The following HAUS5 variants were observed in gnomAD, a reference collection of about 807,000 sequenced individuals.
The protein encoded by HAUS5 is HAUS augmin like complex subunit 5.
Under a neutral mutation model 94.1 loss-of-function variants are expected in HAUS5, and 67 were observed. The observed-to-expected ratio is 0.71, with a 90% CI of 0.58 to 0.87. HAUS5 has a LOEUF of 0.87. Among genes scored for constraint, HAUS5 ranks in the 40% least tolerant of loss-of-function variants. The pLI is 0.00. For missense variants in HAUS5, 739 were observed against 825.6 expected (o/e 0.90, Z 1.29); for synonymous variants, 339 against 355.4 (o/e 0.95, Z 0.52).
chr19:35,616,021 A>G (rs997329524), intron 6 of HAUS5, among the ~76,000 whole-genome samples: 12 of 152,160 alleles, frequency 7.9e-5, no homozygotes, highest in Non-Finnish European at 2.9e-5. Context: ...GCCACTTAAA[A>G]TTGGGTGACC....
chr19:35,618,707 G>A lies in HAUS5; in HGVS notation c.1016+8G>A. ...CCTGGGATCCAGTGAGAGGTGGGGG[G>A]CTCTCCGAGAAGAGGTCTCTAGGCC... On this transcript the variant is annotated splice_region_variant and intron_variant, in intron 12 of 18. Coordinates refer to ENST00000203166, the MANE Select transcript of HAUS5 (RefSeq NM_015302.2). The A allele has an allele frequency of 2.5e-6, 4 of 1,575,760 alleles. No individual in the cohort carries two copies. The highest frequency in any genetic ancestry group is 3.5e-6 in the Non-Finnish European group (4 of 1,158,392).
chr19:35,617,367 C>T lies in HAUS5; in HGVS notation c.636C>T (p.Leu212=). 4 of 1,609,258 alleles carry T rather than the reference C, an allele frequency of 2.5e-6. No homozygotes were observed. Among genetic ancestry groups the T allele is most frequent in the Non-Finnish European group, 3.4e-6 (4 of 1,175,576 alleles). ...TTCCCCAGGCCAAGAGGGGCAGCCT[C>T]CCGTGAGTGTCCCTAGCCCCCAGAG... ...LLLPQAKRGS[L]PTPHDDHFGT... is the part of the protein sequence containing the mutation. Residue 212 remains leucine, a splice_region_variant and synonymous_variant, in exon 8 of 19, where the codon CTC becomes CTT. Coordinates refer to ENST00000203166, the MANE Select transcript of HAUS5 (RefSeq NM_015302.2).
chr19:35,613,872 G>A lies in HAUS5; in HGVS notation c.166G>A (p.Val56Ile). 1 of 1,614,140 alleles carries A rather than the reference G, an allele frequency of 6.2e-7. No homozygotes were observed. Among genetic ancestry groups the A allele is most frequent in the South Asian group, 1.1e-5 (1 of 91,088 alleles). ...ILQHVHSQRT[V>I]KKIRGNLLWY... ...CTTTCTGCCTCTGCACTGTAGGACTGTCAAGAAGATCCGGGGAAACCTACT... is the reference window on the plus strand; with the variant it reads ...CTTTCTGCCTCTGCACTGTAGGACTATCAAGAAGATCCGGGGAAACCTACT... The change falls in exon 3 of 19, where the codon GTC becomes ATC. Residue 56 changes from valine to isoleucine, a missense_variant. Coordinates refer to ENST00000203166, the MANE Select transcript of HAUS5 (RefSeq NM_015302.2).
rs761191044 is a variant in HAUS5, at chr19:35,618,154, C to T, written c.780C>T (p.Ser260=). 1.2e-6 allele frequency: 2 copies of T among 1,609,982 alleles called. No individual in the cohort carries two copies. The highest frequency in any genetic ancestry group is 1.7e-5 in the Admixed American group (1 of 59,658). Residue 260 remains serine (S), a synonymous_variant, in exon 10 of 19, where the codon TCC becomes TCT. Coordinates refer to ENST00000203166, the MANE Select transcript of HAUS5 (RefSeq NM_015302.2). ...CAGAGCGGGAGGCAGAGATTCGGTC[C>T]CTGTGCAGTGGGGATGGGCTTGGCG... ...LAAEREAEIR[S]LCSGDGLGDT... is the part of the protein sequence containing the mutation.
intron 8 of HAUS5, 76 bp downstream of exon 8, chr19:35,617,445 C>A: frequency 1.1e-6 from 1 of 946,242 alleles, no homozygotes; most frequent in Non-Finnish European, 1.7e-6. Context: ...ATTAATTCCT[C>A]AGACACTGAG....
In HAUS5 at chr19:35,618,414, G is replaced by A. The variant is rs779731836; in HGVS notation, c.834G>A (p.Pro278=). Residue 278 remains proline (P), a synonymous_variant, in exon 11 of 19, where the codon CCG becomes CCA. Transcript: ENST00000203166. ...GDTEISRPQA[P]DQSDSSQTLP... is the part of the protein sequence containing the mutation. ...TCCCCCACCCCAGACCCCAGGCCCC[G>A]GACCAGTCAGACTCCAGCCAGACCC... 3.5e-5 allele frequency: 25 copies of A among 712,408 alleles called. No homozygotes were observed. Among genetic ancestry groups the A allele is most frequent in the East Asian group, 4.7e-5 (1 of 21,486 alleles). The allele number at this position is 712,408 out of a possible 1,614,324, so 44.1% of individuals were successfully genotyped here.
chr19:35,614,095 G>C (rs377683291), intron 4 of HAUS5, 36 bp downstream of exon 4: 4 of 1,596,666 alleles, frequency 2.5e-6, no homozygotes, highest in Non-Finnish European at 3.4e-6. Flanking sequence ...TCTTTCATCC[G>C]AAAAATGACT....
rs1967288780 is a variant in HAUS5, at chr19:35,625,332, C to T, written c.*2339C>T. ...TGAATTGGAAATATCAGAATAAAGT[C>T]ATGATTTTTCTCTTTCTAAAAAATA... On this transcript the variant is annotated 3_prime_UTR_variant, in exon 19 of 19. Coordinates refer to ENST00000203166, the MANE Select transcript of HAUS5 (RefSeq NM_015302.2). 1 of 152,116 alleles carries T rather than the reference C, an allele frequency of 6.6e-6. No individual in the cohort carries two copies. Among genetic ancestry groups the T allele is most frequent in the Admixed American group, 6.6e-5 (1 of 15,248 alleles). The allele number at this position is 152,116 out of a possible 1,614,324, so 9.4% of individuals were successfully genotyped here.
chr19:35,621,530 G>A (rs1399070425), intron 17 of HAUS5, among the ~76,000 whole-genome samples: 1 of 152,034 alleles, frequency 6.6e-6, no homozygotes, highest in Non-Finnish European at 1.5e-5. Context: ...TTATAATCAT[G>A]GGCATCTTGA....
At position 35,620,036 on chromosome 19, in the gene HAUS5, C is replaced by G. The variant is rs1967183107; in HGVS notation, c.1431C>G (p.Leu477=). 1.2e-6 allele frequency: 2 copies of G among 1,613,726 alleles called. No individual in the cohort carries two copies. The highest frequency in any genetic ancestry group is 2.7e-5 in the African/African-American group (2 of 74,866). The stretch of plus-strand genomic sequence containing the variant: ...GGTTGAAGCCCCTGCCCACGGTCCT[C>G]CCATCCATCCACCAGCTGCACCCCG... ...PGELKPLPTV[L]PSIHQLHPAS... Residue 477 remains leucine, a synonymous_variant, in exon 16 of 19, where the codon CTC becomes CTG. Coordinates refer to ENST00000203166, the MANE Select transcript of HAUS5 (RefSeq NM_015302.2).
intron 6 of HAUS5, among the ~76,000 whole-genome samples, chr19:35,616,372 C>A (rs950930153): frequency 2.9e-4 from 44 of 152,048 alleles, no homozygotes; most frequent in Middle Eastern, 6.8e-3. Context: ...TTTCTATGTG[C>A]CTCAGATTCT....
intron 8 of HAUS5, 36 bp downstream of exon 8, chr19:35,617,405 C>A (rs762385480): frequency 3.5e-6 from 5 of 1,436,946 alleles, no homozygotes; most frequent in South Asian, 1.1e-5. Context: ...CCTGTAAAGA[C>A]CCTGGGTTTT....
chr19:35,622,829 G>T, intron 18 of HAUS5, 47 bp from the exon 19 acceptor site: 2 of 1,604,350 alleles, frequency 1.2e-6, no homozygotes, highest in Non-Finnish European at 1.7e-6. Flanking sequence ...TGCAGGGAGG[G>T]TCTGGAGGGT....
Position 35,617,724 on chromosome 19 carries a change from G to A in HAUS5, c.639-131G>A, listed in dbSNP as rs370739716. ...TAAAGGCCCCAAAGCCAGCAGGTTG[G>A]TATAATTGGGGAACTCAAGTCTAAC... On this transcript the variant is annotated intron_variant, in intron 8 of 18. Transcript: ENST00000203166. The A allele has an allele frequency of 5.3e-5, 42 of 787,570 alleles. No individual in the cohort carries two copies. The East Asian group carries it at 9.7e-4, about 18-fold the overall frequency. 48.8% of individuals were successfully genotyped at this position (787,570 alleles called of 1,614,324 possible).
Position 35,622,700 on chromosome 19 carries a change from G to T in HAUS5, c.1751G>T (p.Arg584Leu), listed in dbSNP as rs199712182. The T allele has an allele frequency of 1.2e-6, 2 of 1,614,010 alleles. No individual in the cohort carries two copies. The highest frequency in any genetic ancestry group is 1.3e-5 in the African/African-American group (1 of 74,920). Reference protein sequence around the residue: ...LEKLLKQALERIPELQGIVGD... With the variant: ...LEKLLKQALELIPELQGIVGD... ...AAGCTACTGAAACAGGCACTGGAGC[G>T]AATCCCTGAGCTGCAGGGGATCGTG... The change falls in exon 18 of 19, where the codon CGA (arginine) becomes CTA (leucine). Residue 584 changes from arginine (R) to leucine (L), a missense_variant. Transcript: ENST00000203166.
Position 35,619,749 on chromosome 19 carries a change from G to A in HAUS5, c.1397G>A (p.Arg466Lys), listed in dbSNP as rs1391759238. The change falls in exon 15 of 19, where the codon AGG becomes AAG. Residue 466 changes from arginine (R) to lysine (K), a missense_variant. Physicochemically the swap from Arg to Lys is conservative, Grantham distance 26. Coordinates refer to ENST00000203166, the MANE Select transcript of HAUS5 (RefSeq NM_015302.2). ...CTGTTGGGCACGCTGCTGCGGCACA[G>A]GCCGGGAGAGTGAGACTGGGGCTGC... ...HILLGTLLRH[R>K]PGELKPLPTV... The A allele has an allele frequency of 1.3e-6, 2 of 1,551,712 alleles. No homozygotes were observed. The highest frequency in any genetic ancestry group is 2.7e-5 in the African/African-American group (2 of 73,504).
chr19:35,616,309 ACT>A (rs778430912), intron 6 of HAUS5, among the ~76,000 whole-genome samples: 8 of 148,876 alleles, frequency 5.4e-5, no homozygotes, highest in African/African-American at 1.2e-4. Flanking sequence ...CAAGAGCAAA[ACT>A]CTGTTTAAAA....
chr19:35,614,315 T>C, intron 4 of HAUS5: 1 of 552,470 alleles, frequency 1.8e-6, no homozygotes, highest in Non-Finnish European at 3.2e-6. Flanking sequence ...ACCTGAGGGC[T>C]CCAGGAAGCG....
chr19:35,622,453 G>A, intron 17 of HAUS5, 148 bp from the exon 18 acceptor site: 1 of 804,874 alleles, frequency 1.2e-6, no homozygotes, highest in Admixed American at 2.5e-5. Flanking sequence ...GGGACTTCCA[G>A]GCTGGGAAGA....
Sources: gnomAD v4.1 joint callset for allele counts (sites outside exome capture counted in the v4.1 genomes callset) on GRCh38, gnomAD v4.1.1 for gene constraint, MANE v1.5 for transcripts, NCBI Gene and HGNC (gene_info 2026-07-23, HGNC 2026-07-21) for gene names.